The following PDLIM1 variants were observed in gnomAD, a reference collection of about 807,000 sequenced individuals.
PDLIM1 encodes PDZ and LIM domain 1, also known as PDZ and LIM domain protein 1.
Under a neutral mutation model 35.2 loss-of-function variants are expected in PDLIM1, and 25 were observed. The observed-to-expected ratio is 0.71, with a 90% CI of 0.52 to 0.99. The LOEUF is 0.99. PDLIM1 is among the 50% of genes least tolerant of loss of function. The probability of loss-of-function intolerance (pLI) is 0.00; values close to 1 mark genes in which losing one functional copy is unlikely to be tolerated. For synonymous variants in PDLIM1, 152 were observed against 154.0 expected (o/e 0.99, Z 0.10); for missense variants, 363 against 415.3 (o/e 0.87, Z 1.09).
At chr10:95,258,198 G>A (rs557387739) in intron 4 of PDLIM1, among the ~76,000 whole-genome samples, 7 of 151,746 alleles carry the variant, frequency 4.6e-5, no homozygotes, top group East Asian at 1.9e-4. Context: ...CTCACACTTC[G>A]TCCCTCCCAC....
chr10:95,258,222 C>G (rs2035333134), intron 4 of PDLIM1, among the ~76,000 whole-genome samples: 1 of 151,726 alleles, frequency 6.6e-6, no homozygotes, highest in South Asian at 2.1e-4. Context: ...ACGTGGAATT[C>G]AAGATGGGAT....
chr10:95,247,277 T>C lies in PDLIM1; in HGVS notation c.623A>G (p.Glu208Gly), dbSNP rs1268856762. 1 of 1,614,110 alleles carries C rather than the reference T, an allele frequency of 6.2e-7. No homozygotes were observed. Among genetic ancestry groups the C allele is most frequent in the Non-Finnish European group, 8.5e-7 (1 of 1,179,972 alleles). ...GAAAGACGTGGACTGTTTCGGGGGC[T>C]CATTCAACTCCTGTTTCTCCTGAAG... ...KMLQEKQELN[E>G]PPKQSTSFLV... Residue 208 changes from glutamate (E) to glycine (G), a missense_variant, in exon 5 of 7, where the codon GAG becomes GGG. Transcript: ENST00000329399.
In PDLIM1 at chr10:95,247,256, G is replaced by C; in HGVS notation, c.644C>G (p.Ser215Cys). ...CAGGATTTCCTGCAAAACCAAGAAA[G>C]ACGTGGACTGTTTCGGGGGCTCATT... ...ELNEPPKQST[S>C]FLVLQEILES... Residue 215 changes from serine to cysteine, a missense_variant, in exon 5 of 7, where the codon TCT (serine) becomes TGT (cysteine). By Grantham distance (112) the Ser-to-Cys change is moderately radical. Coordinates refer to ENST00000329399, the MANE Select transcript of PDLIM1 (RefSeq NM_020992.4). The C allele has an allele frequency of 6.2e-7, 1 of 1,614,076 alleles. No homozygotes were observed. The highest frequency in any genetic ancestry group is 1.1e-5 in the South Asian group (1 of 91,034).
At chr10:95,239,811 T>G (rs558877923) in intron 5 of PDLIM1, among the ~76,000 whole-genome samples, 1 of 151,812 alleles carries the variant, frequency 6.6e-6, no homozygotes, top group East Asian at 1.9e-4. Context: ...AAGAAAAAAA[T>G]AACCCCATTA....
In PDLIM1 at chr10:95,238,675, G is replaced by A; in HGVS notation, c.696C>T (p.Asn232=). The A allele has an allele frequency of 6.2e-7, 1 of 1,609,728 alleles. No homozygotes were observed. Among genetic ancestry groups the A allele is most frequent in the Non-Finnish European group, 8.5e-7 (1 of 1,176,012 alleles). The part of the protein sequence containing the change: ...ILESEEKGDP[N]KPSGFRSVKA... ...TAACACTTCTGAATCCTGAGGGCTT[G>A]TTGGGATCCCCTGAAATGAGGAAAA... Residue 232 remains asparagine (N), a synonymous_variant, in exon 6 of 7, where the codon AAC becomes AAT. Transcript: ENST00000329399.
chr10:95,278,325 C>T (rs1279033819), intron 1 of PDLIM1, among the ~76,000 whole-genome samples: 2 of 152,194 alleles, frequency 1.3e-5, no homozygotes, highest in African/African-American at 4.8e-5. Context: ...GCAATTCAGG[C>T]AGAGCCCCCA....
At chr10:95,271,862 G>T (rs2035467962) in intron 1 of PDLIM1, 78 bp from the exon 2 acceptor site, 1 of 1,361,838 alleles carries the variant, frequency 7.3e-7, no homozygotes, top group Admixed American at 2.1e-5. Context: ...AGTATTCACT[G>T]ATATGGAGCA....
At chr10:95,263,471 T>C (rs1344511226) in intron 4 of PDLIM1, among the ~76,000 whole-genome samples, 1 of 103,042 alleles carries the variant, frequency 9.7e-6, no homozygotes, top group African/African-American at 3.0e-5. Context: ...CACAGGCTAC[T>C]CTAGATTCCC....
intron 3 of PDLIM1, among the ~76,000 whole-genome samples, chr10:95,267,632 C>A (rs1345940899): frequency 6.6e-6 from 1 of 152,022 alleles, no homozygotes; most frequent in African/African-American, 2.4e-5. Flanking sequence ...TATGTGACTT[C>A]GTTTTTGAAA....
intron 4 of PDLIM1, among the ~76,000 whole-genome samples, chr10:95,258,186 A>C (rs1158320951): frequency 6.6e-6 from 1 of 151,944 alleles, no homozygotes; most frequent in Non-Finnish European, 1.5e-5. Context: ...TGATTCAATT[A>C]CCTCACACTT....
intron 4 of PDLIM1, among the ~76,000 whole-genome samples, chr10:95,262,539 G>A (rs370810064): frequency 6.6e-6 from 1 of 152,276 alleles, no homozygotes; most frequent in African/African-American, 2.4e-5. Flanking sequence ...GCACGTGGCT[G>A]GAGCCAAGGA....
chr10:95,253,106 A>G (rs1425442596), intron 4 of PDLIM1, among the ~76,000 whole-genome samples: 1 of 152,218 alleles, frequency 6.6e-6, no homozygotes, highest in Non-Finnish European at 1.5e-5. Flanking sequence ...TACAACAAAG[A>G]AAGAATTTCC....
chr10:95,238,868 T>C (rs12778613), intron 5 of PDLIM1, 183 bp from the exon 6 acceptor site: 188,011 of 531,710 alleles, frequency 0.35, 35,623 homozygotes, highest in Middle Eastern at 0.48. Flanking sequence ...TTCTATAAAA[T>C]AGGAGATTAA....
At chr10:95,268,174 A>G (rs1310247554) in intron 3 of PDLIM1, among the ~76,000 whole-genome samples, 2 of 152,226 alleles carry the variant, frequency 1.3e-5, no homozygotes, top group Non-Finnish European at 2.9e-5. Flanking sequence ...AGGGCAGTCT[A>G]CTGTCCTGAG....
intron 4 of PDLIM1, among the ~76,000 whole-genome samples, chr10:95,258,196 T>G (rs1418253794): frequency 6.6e-6 from 1 of 151,842 alleles, no homozygotes; most frequent in Non-Finnish European, 1.5e-5. Context: ...ACCTCACACT[T>G]CGTCCCTCCC....
chr10:95,251,347 T>C (rs900786), intron 4 of PDLIM1, among the ~76,000 whole-genome samples: 64,795 of 151,496 alleles, frequency 0.43, 14,640 homozygotes, highest in Middle Eastern at 0.52. Context: ...CCGAAGCAGG[T>C]GAATTGCCTG....
intron 1 of PDLIM1, among the ~76,000 whole-genome samples, chr10:95,285,392 T>C (rs2035594421): frequency 6.6e-6 from 1 of 152,166 alleles, no homozygotes; most frequent in South Asian, 2.1e-4. Context: ...CTTAGCACTT[T>C]TCAGAGCTGT....
intron 4 of PDLIM1, among the ~76,000 whole-genome samples, chr10:95,253,893 C>T (rs1311827731): frequency 2.0e-5 from 3 of 152,054 alleles, no homozygotes; most frequent in Non-Finnish European, 2.9e-5. Flanking sequence ...TTCTATACTT[C>T]TTTGAACTCC....
At chr10:95,263,055 G>T (rs532322190) in intron 4 of PDLIM1, among the ~76,000 whole-genome samples, 1 of 152,106 alleles carries the variant, frequency 6.6e-6, no homozygotes, top group Non-Finnish European at 1.5e-5. Flanking sequence ...TGAGGTGGGA[G>T]GATCACTTGA....
Sources: gnomAD v4.1 joint callset for allele counts (sites outside exome capture counted in the v4.1 genomes callset) on GRCh38, gnomAD v4.1.1 for gene constraint, MANE v1.5 for transcripts, NCBI Gene and HGNC (gene_info 2026-07-23, HGNC 2026-07-21) for gene names.